Variants in E4F1 observed in about 807,000 individuals in gnomAD.
E4F1 encodes E4F transcription factor 1.
E4F1 carries 30 observed loss-of-function variants against 72.9 expected under a neutral mutation model. The ratio of observed to expected loss-of-function variants is 0.41; its 90% confidence interval spans 0.31 to 0.56. E4F1 has a LOEUF of 0.56. Among genes scored for constraint, E4F1 ranks in the 20% least tolerant of loss-of-function variants. E4F1 has a pLI of 0.25. For synonymous variants in E4F1, 542 were observed against 478.2 expected (o/e 1.13, Z -1.74); for missense variants, 1,091 against 1,117.5 (o/e 0.98, Z 0.34).
At position 2,229,655 on chromosome 16, in the gene E4F1, G is replaced by A. The variant is rs926852558; in HGVS notation, c.395G>A (p.Ser132Asn). The change falls in exon 3 of 14, where the codon AGC becomes AAC. Residue 132 changes from serine to asparagine, a missense_variant. Coordinates refer to ENST00000301727, the MANE Select transcript of E4F1 (RefSeq NM_004424.5). ...GCGGCCTCTCTGGCAGCAGACATCA[G>A]CCACGCATCTGACCTTGTTGGTAAG... ...VEAASLAADI[S>N]HASDLVGGGH... 4 of 1,612,926 alleles carry A rather than the reference G, an allele frequency of 2.5e-6. No individual in the cohort carries two copies. In the African/African-American group the frequency reaches 5.3e-5, roughly 22 times the overall value.
At chr16:2,229,463 A>G in intron 2 of E4F1, 107 bp from the exon 3 acceptor site, 2 of 1,230,482 alleles carry the variant, frequency 1.6e-6, no homozygotes, top group Non-Finnish European at 2.3e-6. Context: ...CCTGAGCACC[A>G]CAAGTCACAC....
chr16:2,223,985 T>G, intron 1 of E4F1: 1 of 1,489,724 alleles, frequency 6.7e-7, no homozygotes. Flanking sequence ...CCCCCCTCTC[T>G]GGTGTGCGTC....
intron 9 of E4F1, 72 bp downstream of exon 9, chr16:2,234,062 C>T: frequency 3.3e-6 from 5 of 1,533,498 alleles, no homozygotes; most frequent in Non-Finnish European, 4.4e-6. Context: ...TCTGGGTGTC[C>T]AGGGTGGGTC....
At chr16:2,223,897 CG>C in intron 1 of E4F1, 127 bp downstream of exon 1, 2 of 1,532,238 alleles carry the variant, frequency 1.3e-6, no homozygotes, top group Non-Finnish European at 8.7e-7. Context: ...GCGGATCTCG[CG>C]GGACCCTCAC....
rs915001607 is a variant in E4F1, at chr16:2,228,627, G to GTGGGC, written c.309+105_309+109dup. 34 of 1,419,440 alleles carry GTGGGC rather than the reference G, an allele frequency of 2.4e-5. No individual in the cohort carries two copies. The African/African-American group carries it at 4.1e-4, about 17-fold the overall frequency. The allele number at this position is 1,419,440 out of a possible 1,614,324, so 87.9% of individuals were successfully genotyped here. ...CTGTGCAGCCGGTTCCGGGGGCCACGTGGGCGGGCAGAGGGCAGGCACCTG... is the reference window on the plus strand; with the variant it reads ...CTGTGCAGCCGGTTCCGGGGGCCACGTGGGCTGGGCGGGCAGAGGGCAGGCACCTG... On this transcript the variant is annotated intron_variant, in intron 2 of 13. Coordinates refer to ENST00000301727, the MANE Select transcript of E4F1 (RefSeq NM_004424.5).
At chr16:2,225,144 C>A (rs113062677) in intron 1 of E4F1, among the ~76,000 whole-genome samples, 1 of 151,410 alleles carries the variant, frequency 6.6e-6, no homozygotes, top group Non-Finnish European at 1.5e-5. Context: ...GCCCAGGAGA[C>A]GGAGGTCGCA....
intron 1 of E4F1, among the ~76,000 whole-genome samples, chr16:2,225,010 C>T (rs2093423128): frequency 6.6e-6 from 1 of 150,780 alleles, no homozygotes; most frequent in South Asian, 2.1e-4. Context: ...GTCAGGAGTT[C>T]GAGACCAGCC....
At chr16:2,230,450 G>A (rs2093461122) in intron 3 of E4F1, 1 of 153,164 alleles carries the variant, frequency 6.5e-6, no homozygotes, top group South Asian at 2.0e-4. Context: ...CAGACGCGAG[G>A]GAAGGAGCTG....
In E4F1 at chr16:2,223,780, C is replaced by T; in HGVS notation, c.157+10C>T. 1 of 1,536,056 alleles carries T rather than the reference C, an allele frequency of 6.5e-7. No homozygotes were observed. On this transcript the variant is annotated intron_variant, in intron 1 of 13. Transcript: ENST00000301727. Reference sequence around the variant, plus strand: ...CCCTTCAGCGAGGAAGGTAACCGGGCCGACCCGGAGGGTGCGGCCGGGGTG... The same window carrying T: ...CCCTTCAGCGAGGAAGGTAACCGGGTCGACCCGGAGGGTGCGGCCGGGGTG...
In E4F1 at chr16:2,232,160, G is replaced by T; in HGVS notation, c.416-11G>T. On this transcript the variant is annotated splice_polypyrimidine_tract_variant and intron_variant, in intron 3 of 13. Transcript: ENST00000301727. ...CAGGTCCTGGGGCTTAGGCCCAGAT[G>T]CTTCTCCTAGGTGGTGGGCACATCA... 6.2e-7 allele frequency: 1 copy of T among 1,609,484 alleles called. No homozygotes were observed. The highest frequency in any genetic ancestry group is 8.5e-7 in the Non-Finnish European group (1 of 1,179,842).
At position 2,224,769 on chromosome 16, in the gene E4F1, C is replaced by T. The variant is rs141119759; in HGVS notation, c.157+999C>T. ...CTGCACTCCAGCCTGGGCGGCAGAG[C>T]CGGACTCCGTCTCAAAAGAAAAGAA... On this transcript the variant is annotated intron_variant, in intron 1 of 13. Coordinates refer to ENST00000301727, the MANE Select transcript of E4F1 (RefSeq NM_004424.5). Among the ~76,000 whole-genome samples, 810 of 152,142 alleles carry T rather than the reference C, an allele frequency of 5.3e-3. 6 individuals are homozygous for T. The highest frequency in any genetic ancestry group is 0.019 in the African/African-American group (780 of 41,500).
chr16:2,230,082 G>C, intron 3 of E4F1: 1 of 242,796 alleles, frequency 4.1e-6, no homozygotes, highest in Non-Finnish European at 8.6e-6. Flanking sequence ...TCTGGAGGGT[G>C]GGTACAGGGT....
chr16:2,233,331 T>C, intron 7 of E4F1, 107 bp from the exon 8 acceptor site: 1 of 1,424,944 alleles, frequency 7.0e-7, no homozygotes, highest in Non-Finnish European at 9.3e-7. Flanking sequence ...GGGAGCGCCA[T>C]GGGGGTCTGA....
At chr16:2,233,703 C>T in intron 8 of E4F1, 56 bp downstream of exon 8, 1 of 1,504,780 alleles carries the variant, frequency 6.6e-7, no homozygotes, top group South Asian at 1.2e-5. Context: ...AGGGGCTGTC[C>T]CCACGCTGGC....
Position 2,234,902 on chromosome 16 carries a change from C to T in E4F1, c.1836C>T (p.Asp612=), listed in dbSNP as rs370269815. The change falls in exon 12 of 14, where the codon GAC becomes GAT. Residue 612 remains aspartate (D), a synonymous_variant. Transcript: ENST00000301727. The part of the protein sequence containing the change: ...LEVEELLVSE[D]SPAAATTVLT... ...TGGAGGAGTTGCTGGTGTCTGAGGA[C>T]AGCCCCGCGGCAGCCACCACCGTCC... is the stretch of plus-strand genomic sequence containing the variant. 1 of 1,551,522 alleles carries T rather than the reference C, an allele frequency of 6.4e-7. No individual in the cohort carries two copies. Among genetic ancestry groups the T allele is most frequent in the Non-Finnish European group, 8.7e-7 (1 of 1,147,690 alleles).
intron 2 of E4F1, among the ~76,000 whole-genome samples, chr16:2,229,191 G>A (rs150196644): frequency 6.6e-6 from 1 of 152,292 alleles, no homozygotes; most frequent in Non-Finnish European, 1.5e-5. Context: ...CACACCTCCA[G>A]GGCCCTCTCC....
chr16:2,234,041 G>A (rs529417951), intron 9 of E4F1, 51 bp downstream of exon 9: 1 of 1,539,086 alleles, frequency 6.5e-7, no homozygotes, highest in Admixed American at 2.0e-5. Flanking sequence ...GCTATAGGTG[G>A]CCGGGGTGCT....
chr16:2,224,637 A>G (rs1032259564), intron 1 of E4F1, among the ~76,000 whole-genome samples: 1 of 151,876 alleles, frequency 6.6e-6, no homozygotes, highest in East Asian at 1.9e-4. Flanking sequence ...AAATACAAAA[A>G]AACAAAATTA....
At chr16:2,235,028 T>A (rs2093497877) in intron 12 of E4F1, 27 bp downstream of exon 12, 5 of 1,611,954 alleles carry the variant, frequency 3.1e-6, no homozygotes, top group Non-Finnish European at 4.2e-6. Flanking sequence ...GGGGCCGTGC[T>A]GGGACCCAGG....
Sources: gnomAD v4.1 joint callset for allele counts (sites outside exome capture counted in the v4.1 genomes callset) on GRCh38, gnomAD v4.1.1 for gene constraint, MANE v1.5 for transcripts, NCBI Gene and HGNC (gene_info 2026-07-23, HGNC 2026-07-21) for gene names.